PRKCB: variants seen among roughly 807,000 people sequenced by gnomAD.
PRKCB encodes the protein protein kinase C beta, also known as protein kinase C beta type.
PRKCB carries 13 observed loss-of-function variants against 81.5 expected under a neutral mutation model. The ratio of observed to expected loss-of-function variants is 0.16; its 90% CI spans 0.10 to 0.25. The LOEUF (loss-of-function observed/expected upper bound fraction) is 0.25, where lower values mean the gene tolerates loss of function less well. PRKCB is among the 10% of genes least tolerant of loss of function. PRKCB has a pLI of 1.00. For synonymous variants in PRKCB, 335 were observed against 321.4 expected (o/e 1.04, Z -0.45); for missense variants, 509 against 875.7 (o/e 0.58, Z 5.29).
rs372083694 is a variant in PRKCB, at chr16:24,024,544, T to A, written c.289-7592T>A. ...TTTTCTTGATTTAATCATGCCACATTGTGTGTGTATATTCAGAACAATCAG... is the reference window on the plus strand; with the variant it reads ...TTTTCTTGATTTAATCATGCCACATAGTGTGTGTATATTCAGAACAATCAG... On this transcript the variant is annotated intron_variant, in intron 3 of 16. Transcript: ENST00000643927. Among the ~76,000 whole-genome samples, 3 of 152,228 alleles carry A rather than the reference T, an allele frequency of 2.0e-5. No individual in the cohort carries two copies. The East Asian group carries it at 5.8e-4, about 29-fold the overall frequency.
intron 2 of PRKCB, among the ~76,000 whole-genome samples, chr16:23,910,233 A>G (rs1015865436): frequency 1.9e-4 from 29 of 152,160 alleles, no homozygotes; most frequent in African/African-American, 7.0e-4. Flanking sequence ...TGATGGAAAG[A>G]GTCAAGTGCA....
intron 16 of PRKCB, among the ~76,000 whole-genome samples, chr16:24,202,308 A>C (rs764227777): frequency 1.3e-5 from 2 of 152,102 alleles, no homozygotes; most frequent in Admixed American, 6.5e-5. Context: ...AGTTCCTGCT[A>C]TTTCCACTTG....
At chr16:24,167,044 T>C (rs1967358208) in intron 10 of PRKCB, among the ~76,000 whole-genome samples, 1 of 151,868 alleles carries the variant, frequency 6.6e-6, no homozygotes, top group African/African-American at 2.4e-5. Context: ...CTGTGGCCAA[T>C]GCCATCTGCT....
At chr16:24,170,595 A>G (rs1967427614) in intron 10 of PRKCB, among the ~76,000 whole-genome samples, 2 of 152,184 alleles carry the variant, frequency 1.3e-5, no homozygotes, top group South Asian at 4.1e-4. Context: ...CCTCTGATGG[A>G]AGGAGAGAAA....
Position 24,079,668 on chromosome 16 carries a change from G to T in PRKCB, c.530-13123G>T, listed in dbSNP as rs144695135. 1.0e-3 allele frequency among the ~76,000 whole-genome samples: 156 copies of T among 152,268 alleles called. 1 individual carries two copies. Among genetic ancestry groups the T allele is most frequent in the Non-Finnish European group, 1.9e-3 (126 of 68,018 alleles). On this transcript the variant is annotated intron_variant, in intron 5 of 16. Transcript: ENST00000643927. Reference sequence around the variant, plus strand: ...GGGAATTTTTCTAAGATACAATTCAGACAATCCAAGCTGATTTTGTGTTCT... The same window carrying T: ...GGGAATTTTTCTAAGATACAATTCATACAATCCAAGCTGATTTTGTGTTCT...
At chr16:24,018,453 C>A (rs8054767) in intron 3 of PRKCB, among the ~76,000 whole-genome samples, 30,093 of 152,102 alleles carry the variant, frequency 0.2, 3,042 homozygotes, top group East Asian at 0.31. Context: ...TATTATTATT[C>A]CAGTTTCCAC....
chr16:24,184,990 T>C, intron 13 of PRKCB, 121 bp from the exon 14 acceptor site: 1 of 819,088 alleles, frequency 1.2e-6, no homozygotes. Flanking sequence ...ATTCCCTGAA[T>C]AGCTAATATA....
At chr16:24,002,453 C>CCTCA (rs372121080) in intron 3 of PRKCB, among the ~76,000 whole-genome samples, 1 of 152,138 alleles carries the variant, frequency 6.6e-6, no homozygotes, top group African/African-American at 2.4e-5. Flanking sequence ...GATTCTCCTG[C>CCTCA]CTCAGCCTCC....
intron 2 of PRKCB, among the ~76,000 whole-genome samples, chr16:23,841,802 C>T (rs943122132): frequency 6.6e-6 from 1 of 151,674 alleles, no homozygotes. Context: ...ACTACAGGCA[C>T]GTGCCACCAT....
intron 7 of PRKCB, among the ~76,000 whole-genome samples, chr16:24,096,669 ATAT>A (rs1966447884): frequency 3.4e-4 from 7 of 20,434 alleles, no homozygotes; most frequent in African/African-American, 6.8e-4. Flanking sequence ...AAAAAAAAAT[ATAT>A]ATATATATAT....
At chr16:23,914,663 G>A (rs1160475861) in intron 2 of PRKCB, among the ~76,000 whole-genome samples, 2 of 152,160 alleles carry the variant, frequency 1.3e-5, no homozygotes, top group Non-Finnish European at 2.9e-5. Flanking sequence ...GTTTAAATGA[G>A]TTAAGACCTG....
chr16:24,187,443 A>G (rs1277448398), intron 15 of PRKCB, among the ~76,000 whole-genome samples: 1 of 152,200 alleles, frequency 6.6e-6, no homozygotes, highest in East Asian at 1.9e-4. Context: ...TGAATACTGT[A>G]AATCACTTAG....
chr16:23,879,721 T>C (rs1044524486), intron 2 of PRKCB, among the ~76,000 whole-genome samples: 1 of 152,144 alleles, frequency 6.6e-6, no homozygotes, highest in Non-Finnish European at 1.5e-5. Context: ...CTCGAGCTCC[T>C]GACCTCAAGT....
chr16:23,901,689 G>A (rs1963475091), intron 2 of PRKCB, among the ~76,000 whole-genome samples: 3 of 152,196 alleles, frequency 2.0e-5, no homozygotes, highest in African/African-American at 7.2e-5. Flanking sequence ...GTTGCAGCCT[G>A]TTGTCTGAGA....
intron 7 of PRKCB, among the ~76,000 whole-genome samples, chr16:24,110,359 G>A (rs550350688): frequency 1.1e-4 from 16 of 151,806 alleles, no homozygotes; most frequent in Admixed American, 4.6e-4. Flanking sequence ...CTACGGGCGC[G>A]TGCCACCATG....
Position 23,946,656 on chromosome 16 carries a change from T to C in PRKCB, c.206-41852T>C, listed in dbSNP as rs568429672. ...AACTTTTTCTTTTTGAATTCCTCTT[T>C]AGGCCAGAACTGACTAGTATAGGCT... On this transcript the variant is annotated intron_variant, in intron 2 of 16. Transcript: ENST00000643927. Among the ~76,000 whole-genome samples, 16 of 152,134 alleles carry C rather than the reference T, an allele frequency of 1.1e-4. No homozygotes were observed. In the South Asian group the frequency reaches 1.4e-3, roughly 14 times the overall value.
Position 24,185,474 on chromosome 16 carries a change from G to C in PRKCB, c.1629G>C (p.Gly543=). ...EMLAGQAPFE[G]EDEDELFQSI... ...CTGTCATACAGGCACCCTTTGAAGG[G>C]GAGGATGAAGATGAACTCTTCCAAT... The change falls in exon 15 of 17, where the codon GGG becomes GGC. Residue 543 remains glycine (G), a synonymous_variant. Coordinates refer to ENST00000643927, the MANE Select transcript of PRKCB (RefSeq NM_002738.7). The C allele has an allele frequency of 6.2e-7, 1 of 1,613,982 alleles. No homozygotes were observed.
At chr16:24,110,345 G>T (rs937687768) in intron 7 of PRKCB, among the ~76,000 whole-genome samples, 3 of 151,596 alleles carry the variant, frequency 2.0e-5, no homozygotes, top group African/African-American at 7.3e-5. Context: ...CCGAATAGCT[G>T]GGACTACGGG....
chr16:24,022,839 A>G (rs1965423670), intron 3 of PRKCB, among the ~76,000 whole-genome samples: 1 of 152,072 alleles, frequency 6.6e-6, no homozygotes, highest in South Asian at 2.1e-4. Context: ...AATATAGTAA[A>G]CTTATTTGGA....
Sources: gnomAD v4.1 joint callset for allele counts (sites outside exome capture counted in the v4.1 genomes callset) on GRCh38, gnomAD v4.1.1 for gene constraint, MANE v1.5 for transcripts, NCBI Gene and HGNC (gene_info 2026-07-23, HGNC 2026-07-21) for gene names.